RANBP10: variants seen among roughly 807,000 people sequenced by gnomAD.
The protein encoded by RANBP10 is ran-binding protein 10.
RANBP10 carries 24 observed loss-of-function variants against 72.8 expected under a neutral mutation model. The observed-to-expected ratio is 0.33, with a 90% CI of 0.24 to 0.46. RANBP10 has a LOEUF of 0.46. RANBP10 is among the 20% of genes least tolerant of loss of function. The probability of loss-of-function intolerance (pLI) is 1.00; values close to 1 mark genes in which losing one functional copy is unlikely to be tolerated. For synonymous variants in RANBP10, 310 were observed against 322.3 expected (o/e 0.96, Z 0.41); for missense variants, 679 against 817.5 (o/e 0.83, Z 2.07).
At chr16:67,734,693 C>A (rs987555996) in intron 6 of RANBP10, among the ~76,000 whole-genome samples, 165 bp downstream of exon 6, 1 of 151,636 alleles carries the variant, frequency 6.6e-6, no homozygotes, top group African/African-American at 2.4e-5. Flanking sequence ...GTCCATCCGA[C>A]GACAGAGAAG....
intron 3 of RANBP10, among the ~76,000 whole-genome samples, chr16:67,758,627 C>T (rs1302570872): frequency 1.3e-5 from 2 of 152,214 alleles, no homozygotes; most frequent in Non-Finnish European, 2.9e-5. Flanking sequence ...GCCTCAGCCT[C>T]ACCCAGTACA....
chr16:67,761,812 C>A (rs952252744), intron 3 of RANBP10, among the ~76,000 whole-genome samples: 1 of 152,214 alleles, frequency 6.6e-6, no homozygotes, highest in African/African-American at 2.4e-5. Context: ...CTCAAGTGAT[C>A]TGCCCGCCTC....
chr16:67,787,428 G>A (rs2054936164), intron 2 of RANBP10, among the ~76,000 whole-genome samples: 1 of 152,134 alleles, frequency 6.6e-6, no homozygotes, highest in Admixed American at 6.6e-5. Context: ...ACACACTGCT[G>A]GTGGGGATGT....
chr16:67,805,902 A>G (rs2055398307), intron 1 of RANBP10, among the ~76,000 whole-genome samples: 1 of 152,166 alleles, frequency 6.6e-6, no homozygotes, highest in South Asian at 2.1e-4. Flanking sequence ...CTAGCACGGA[A>G]CCCCAGGCTC....
chr16:67,784,621 G>A (rs1056109223), intron 2 of RANBP10, among the ~76,000 whole-genome samples: 2 of 151,328 alleles, frequency 1.3e-5, no homozygotes, highest in Admixed American at 6.6e-5. Context: ...GAGTCATTGC[G>A]CTCCAGCCTG....
chr16:67,746,057 G>C (rs1204549383), intron 3 of RANBP10, among the ~76,000 whole-genome samples: 1 of 152,080 alleles, frequency 6.6e-6, no homozygotes, highest in Non-Finnish European at 1.5e-5. Context: ...TCAGGAGGCT[G>C]AGGCAGGAGA....
chr16:67,782,441 ATATTT>A (rs1012515315), intron 2 of RANBP10, among the ~76,000 whole-genome samples: 9 of 151,366 alleles, frequency 5.9e-5, no homozygotes, highest in Non-Finnish European at 7.4e-5. Flanking sequence ...ATTTTATTTT[ATATTT>A]TATTTTATTT....
chr16:67,769,443 C>CAAAAAAAAA (rs768960411), intron 3 of RANBP10, among the ~76,000 whole-genome samples: 1,204 of 30,260 alleles, frequency 0.04, 330 homozygotes, highest in African/African-American at 0.14. Flanking sequence ...GACCCTGTCT[C>CAAAAAAAAA]AAAAAAAAAA....
chr16:67,799,807 T>C (rs576351253), intron 2 of RANBP10, among the ~76,000 whole-genome samples: 1 of 152,118 alleles, frequency 6.6e-6, no homozygotes, highest in Admixed American at 6.5e-5. Context: ...TGGGGCCTCA[T>C]GCCTGTGCTC....
At chr16:67,735,803 G>T (rs778009349) in intron 5 of RANBP10, 1 of 152,060 alleles carries the variant, frequency 6.6e-6, no homozygotes, top group Non-Finnish European at 1.5e-5. Context: ...AGATACATGG[G>T]GGGTAGGCAG....
Position 67,725,061 on chromosome 16 carries a change from G to C in RANBP10, c.*1367C>G, listed in dbSNP as rs1027961644. On this transcript the variant is annotated 3_prime_UTR_variant, in exon 14 of 14. Transcript: ENST00000317506. ...CTTTCCTGATTCCCCAATGGTAGCG[G>C]GACCACTTTTACTCTGCCAGCTGTA... 1.3e-5 allele frequency: 2 copies of C among 152,710 alleles called. No homozygotes were observed. Among genetic ancestry groups the C allele is most frequent in the Non-Finnish European group, 2.9e-5 (2 of 68,104 alleles). 9.5% of individuals were successfully genotyped at this position (152,710 alleles called of 1,614,324 possible).
At chr16:67,760,182 G>A (rs576496608) in intron 3 of RANBP10, among the ~76,000 whole-genome samples, 1 of 152,240 alleles carries the variant, frequency 6.6e-6, no homozygotes, top group East Asian at 1.9e-4. Flanking sequence ...ACCTGCTACT[G>A]GTATTTGCTC....
At chr16:67,738,104 G>GAGCC in intron 4 of RANBP10, 69 bp from the exon 5 acceptor site, 1 of 1,474,874 alleles carries the variant, frequency 6.8e-7, no homozygotes, top group South Asian at 1.3e-5. Flanking sequence ...CCCCATGGTG[G>GAGCC]AGCCAGTGCT....
chr16:67,765,322 T>C (rs1033699933), intron 3 of RANBP10, among the ~76,000 whole-genome samples: 3 of 150,082 alleles, frequency 2.0e-5, no homozygotes, highest in African/African-American at 7.4e-5. Flanking sequence ...AGGCTGGGAG[T>C]TCGAGACCAG....
chr16:67,727,792 G>A lies in RANBP10; in HGVS notation c.1579C>T (p.Arg527Trp), dbSNP rs756537213. 1.3e-5 allele frequency: 21 copies of A among 1,614,122 alleles called. No individual in the cohort carries two copies. In the East Asian group the frequency reaches 1.3e-4, roughly 10 times the overall value. ...TGGGCCAAATTCTTGCCGTACTCCCGGCCCAACTGCTCACTCAATGCCTGC... is the reference window on the plus strand; with the variant it reads ...TGGGCCAAATTCTTGCCGTACTCCCAGCCCAACTGCTCACTCAATGCCTGC... The part of the protein sequence containing the change: ...ELQALSEQLG[R>W]EYGKNLAHTE... Residue 527 changes from arginine (R) to tryptophan (W), a missense_variant, in exon 12 of 14, where the codon CGG becomes TGG. Transcript: ENST00000317506.
intron 3 of RANBP10, among the ~76,000 whole-genome samples, chr16:67,755,683 CAAAA>C: frequency 1.8e-5 from 1 of 54,358 alleles, no homozygotes; most frequent in South Asian, 7.3e-4. Flanking sequence ...GACTCTGCCT[CAAAA>C]AAAAAAAAAA....
chr16:67,782,604 T>C (rs769190071), intron 2 of RANBP10, among the ~76,000 whole-genome samples: 5 of 151,852 alleles, frequency 3.3e-5, no homozygotes, highest in Non-Finnish European at 5.9e-5. Context: ...AGGCGTGCGC[T>C]ACCACACCCA....
Position 67,744,364 on chromosome 16 carries a change from G to T in RANBP10, c.492C>A (p.Thr164=), listed in dbSNP as rs1478265065. 6.2e-7 allele frequency: 1 copy of T among 1,614,224 alleles called. No homozygotes were observed. The highest frequency in any genetic ancestry group is 8.5e-7 in the Non-Finnish European group (1 of 1,180,038). The stretch of plus-strand genomic sequence containing the variant: ...CACAGCAGCCGATCACGTCTCCTGT[G>T]GTGAATGTGGGACCATAGGGCTGGC... ...GTGQPYGPTF[T]TGDVIGCCVN... The change falls in exon 4 of 14, where the codon ACC becomes ACA. Residue 164 remains threonine (T), a synonymous_variant. Transcript: ENST00000317506.
intron 2 of RANBP10, among the ~76,000 whole-genome samples, chr16:67,779,240 C>T (rs925073700): frequency 6.6e-6 from 1 of 151,860 alleles, no homozygotes; most frequent in African/African-American, 2.4e-5. Context: ...ACCAAAAATA[C>T]AAAAATTAAC....
Sources: gnomAD v4.1 joint callset for allele counts (sites outside exome capture counted in the v4.1 genomes callset) on GRCh38, gnomAD v4.1.1 for gene constraint, MANE v1.5 for transcripts, NCBI Gene and HGNC (gene_info 2026-07-23, HGNC 2026-07-21) for gene names.